Variants in ELMO1 observed in about 807,000 individuals in gnomAD.
ELMO1 encodes the protein engulfment and cell motility protein 1.
Under a neutral mutation model 98.9 loss-of-function variants are expected in ELMO1, and 26 were observed. That is an observed-to-expected ratio of 0.26 (90% confidence interval 0.19 to 0.36). The LOEUF is 0.36. Among genes scored for constraint, ELMO1 ranks in the 10% least tolerant of loss-of-function variants. The pLI, the probability that ELMO1 is intolerant of heterozygous loss-of-function variation, is 1.00. For missense variants in ELMO1, 627 were observed against 935.2 expected (o/e 0.67, Z 4.30); for synonymous variants, 346 against 346.0 (o/e 1.00, Z 0.00).
chr7:37,441,969 T>A (rs1805432112), intron 1 of ELMO1, among the ~76,000 whole-genome samples: 1 of 152,198 alleles, frequency 6.6e-6, no homozygotes, highest in Non-Finnish European at 1.5e-5. Flanking sequence ...TTATAACTGC[T>A]GTTGAAAGTC....
intron 14 of ELMO1, among the ~76,000 whole-genome samples, chr7:37,097,944 A>T (rs148456165): frequency 5.7e-4 from 87 of 152,296 alleles, no homozygotes; most frequent in African/African-American, 1.9e-3. Context: ...TCTTAAGCTA[A>T]TTTGAGATGT....
At chr7:37,174,544 C>T (rs576476456) in intron 13 of ELMO1, among the ~76,000 whole-genome samples, 1 of 152,296 alleles carries the variant, frequency 6.6e-6, no homozygotes, top group Admixed American at 6.5e-5. Context: ...CTGTATCGAG[C>T]GGGCTATCTG....
chr7:36,853,038 C>T lies in ELMO1; in HGVS notation c.*2513G>A, dbSNP rs774231856. Among the ~76,000 whole-genome samples the T allele has an allele frequency of 1.3e-5, 2 of 152,154 alleles. No homozygotes were observed. Among genetic ancestry groups the T allele is most frequent in the Non-Finnish European group, 2.9e-5 (2 of 68,032 alleles). On this transcript the variant is annotated 3_prime_UTR_variant, in exon 22 of 22. Coordinates refer to ENST00000310758, the MANE Select transcript of ELMO1 (RefSeq NM_014800.11). The stretch of plus-strand genomic sequence containing the variant: ...TGAGTTGCCCAGGCTTAGGAAACTG[C>T]AGGCAACAGGAGATGAGTTGGAGGT...
chr7:37,265,539 C>T lies in ELMO1; in HGVS notation c.244-6189G>A, dbSNP rs546544677. On this transcript the variant is annotated intron_variant, in intron 5 of 21. Transcript: ENST00000310758. ...CCTCCGTTCTACCTCCTATTCTCCC[C>T]GCTCTCATGAGGCGTCCCTGTCCAG... 4.6e-5 allele frequency among the ~76,000 whole-genome samples: 7 copies of T among 152,152 alleles called. 1 individual carries two copies. In the East Asian group the frequency reaches 7.7e-4, roughly 17 times the overall value.
chr7:37,120,637 C>A (rs1033385228), intron 14 of ELMO1, among the ~76,000 whole-genome samples: 3 of 152,356 alleles, frequency 2.0e-5, no homozygotes, highest in African/African-American at 4.8e-5. Context: ...GAAGCTCAAA[C>A]TGGGTGGAGC....
Position 36,855,661 on chromosome 7 carries a change from T to A in ELMO1, c.2074A>T (p.Met692Leu). ...TRNDLDTLLS[M>L]EIKLRLLDLE... Reference sequence around the variant, plus strand: ...TCCAGGAGGCGGAGCTTGATTTCCATGCTGAGCAGGGTGTCCAGGTCATTC... The same window carrying A: ...TCCAGGAGGCGGAGCTTGATTTCCAAGCTGAGCAGGGTGTCCAGGTCATTC... The change falls in exon 22 of 22, where the codon ATG (methionine) becomes TTG (leucine). Residue 692 changes from methionine to leucine, a missense_variant. Met to Leu is a conservative substitution (Grantham distance 15). Around this residue, in one of 3 missense-constraint regions of ELMO1, gnomAD observed 492 missense variants for 715.6 expected, o/e 0.69. Transcript: ENST00000310758. The surrounding 1 kb of genome is among the most constrained non-coding windows in gnomAD (Gnocchi z 4.2). 6.2e-7 allele frequency: 1 copy of A among 1,614,158 alleles called. No homozygotes were observed. Among genetic ancestry groups the A allele is most frequent in the Non-Finnish European group, 8.5e-7 (1 of 1,180,000 alleles).
At chr7:36,860,350 T>G (rs920178108) in intron 21 of ELMO1, among the ~76,000 whole-genome samples, 1 of 152,242 alleles carries the variant, frequency 6.6e-6, no homozygotes, top group Admixed American at 6.5e-5. Flanking sequence ...CGTGCTCATT[T>G]GATAAATGAG....
chr7:37,077,050 G>A (rs1797620991), intron 15 of ELMO1, among the ~76,000 whole-genome samples: 1 of 152,160 alleles, frequency 6.6e-6, no homozygotes, highest in South Asian at 2.1e-4. Flanking sequence ...AGTTCAGTAT[G>A]GTAGCCACTA....
chr7:37,110,716 C>T (rs1183805615), intron 14 of ELMO1, among the ~76,000 whole-genome samples: 1 of 152,140 alleles, frequency 6.6e-6, no homozygotes, highest in African/African-American at 2.4e-5. Flanking sequence ...GAAAAATCCA[C>T]AGTCTCCTCT....
intron 4 of ELMO1, among the ~76,000 whole-genome samples, chr7:37,291,307 A>T (rs1279113082): frequency 6.6e-6 from 1 of 152,232 alleles, no homozygotes; most frequent in African/African-American, 2.4e-5. Context: ...AGCTAGAGAA[A>T]GTGCTTTTAA....
intron 15 of ELMO1, among the ~76,000 whole-genome samples, chr7:37,051,994 G>A (rs1037924984): frequency 6.6e-6 from 1 of 152,222 alleles, no homozygotes; most frequent in African/African-American, 2.4e-5. Flanking sequence ...GAGGTTCTCA[G>A]ACCTTTCATT....
chr7:37,114,243 T>C (rs1464924339), intron 14 of ELMO1, among the ~76,000 whole-genome samples: 1 of 152,152 alleles, frequency 6.6e-6, no homozygotes, highest in Non-Finnish European at 1.5e-5. Context: ...TGAGCAAGTG[T>C]GGGAGCAGGC....
rs573203720 is a variant in ELMO1, at chr7:37,286,933, G to A, written c.193-15051C>T. On this transcript the variant is annotated intron_variant, in intron 4 of 21. Transcript: ENST00000310758. ...TCATAGGCTGGGCACAGTGGCTCATGCCTCTAATCCCAGCACTTTGGGAGG... is the reference window on the plus strand; with the variant it reads ...TCATAGGCTGGGCACAGTGGCTCATACCTCTAATCCCAGCACTTTGGGAGG... 1.5e-3 allele frequency among the ~76,000 whole-genome samples: 233 copies of A among 152,284 alleles called. 1 individual carries two copies. The highest frequency in any genetic ancestry group is 5.5e-3 in the African/African-American group (227 of 41,574).
intron 13 of ELMO1, among the ~76,000 whole-genome samples, chr7:37,197,715 C>T (rs181018782): frequency 2.0e-5 from 3 of 152,290 alleles, no homozygotes; most frequent in Admixed American, 1.3e-4. Flanking sequence ...CTTGCCTGCA[C>T]CCCAGAATAA....
At chr7:37,251,325 T>G (rs1306298401) in intron 6 of ELMO1, among the ~76,000 whole-genome samples, 1 of 152,164 alleles carries the variant, frequency 6.6e-6, no homozygotes, top group Non-Finnish European at 1.5e-5. Context: ...CACTCCTATG[T>G]TTCAAGCAGA....
chr7:37,034,772 A>G (rs1183527936), intron 15 of ELMO1, among the ~76,000 whole-genome samples: 2 of 152,142 alleles, frequency 1.3e-5, no homozygotes, highest in Admixed American at 1.3e-4. Context: ...TGGCAGGGGC[A>G]TTGTCCAATA....
intron 14 of ELMO1, among the ~76,000 whole-genome samples, chr7:37,130,070 C>A (rs2541091): frequency 0.24 from 37,014 of 152,014 alleles, 5,736 homozygotes; most frequent in African/African-American, 0.45. Flanking sequence ...CTAGATGTCA[C>A]TTCCTCCAGG....
intron 15 of ELMO1, among the ~76,000 whole-genome samples, chr7:37,052,555 C>T (rs146562887): frequency 1.3e-4 from 20 of 152,284 alleles, no homozygotes; most frequent in African/African-American, 4.8e-4. Context: ...CATGGGACGA[C>T]TCTGGAAGTT....
At chr7:37,196,323 G>A (rs1360678256) in intron 13 of ELMO1, among the ~76,000 whole-genome samples, 1 of 152,220 alleles carries the variant, frequency 6.6e-6, no homozygotes, top group African/African-American at 2.4e-5. Context: ...CCACTTGCTT[G>A]CTGTGAGCAT....
Sources: allele counts gnomAD v4.1 joint callset (sites outside exome capture counted in the v4.1 genomes callset), GRCh38; gene constraint gnomAD v4.1.1; regional missense constraint gnomAD v4.1.1; non-coding constraint Gnocchi (gnomAD v3.1); transcripts MANE v1.5; gene names NCBI Gene and HGNC (gene_info 2026-07-23, HGNC 2026-07-21).